PATL1: variants seen among roughly 807,000 people sequenced by gnomAD.
PATL1 encodes PAT1 homolog 1, processing body mRNA decay factor, also known as protein PAT1 homolog 1.
In PATL1, 32 loss-of-function variants were observed where a neutral mutation model predicts 100.6. That is an observed-to-expected ratio of 0.32 (90% CI 0.24 to 0.43). PATL1 has a LOEUF of 0.43. Ranked by LOEUF, PATL1 falls within the 20% of genes least tolerant of loss-of-function variation. The probability of loss-of-function intolerance (pLI) is 1.00; values close to 1 mark genes in which losing one functional copy is unlikely to be tolerated. For missense variants in PATL1, 747 were observed against 949.9 expected (o/e 0.79, Z 2.81); for synonymous variants, 332 against 330.0 (o/e 1.01, Z -0.07).
chr11:59,660,580 C>T (rs1281765813), intron 2 of PATL1, among the ~76,000 whole-genome samples: 1 of 151,892 alleles, frequency 6.6e-6, no homozygotes, highest in African/African-American at 2.4e-5. Flanking sequence ...TAAAGAAAGG[C>T]CTTAAGGTGA....
At chr11:59,664,738 CA>C (rs1053870939) in intron 2 of PATL1, among the ~76,000 whole-genome samples, 1 of 151,834 alleles carries the variant, frequency 6.6e-6, no homozygotes, top group Non-Finnish European at 1.5e-5. Context: ...GGCTATTTTT[CA>C]AAAAAAATTT....
At chr11:59,654,122 A>C (rs1432070497) in intron 8 of PATL1, 50 bp from the exon 9 acceptor site, 1 of 1,469,052 alleles carries the variant, frequency 6.8e-7, no homozygotes, top group East Asian at 2.3e-5. Context: ...TGATGACTTG[A>C]AATTTTAAAG....
chr11:59,662,275 T>C (rs888422408), intron 2 of PATL1, among the ~76,000 whole-genome samples: 2 of 152,194 alleles, frequency 1.3e-5, no homozygotes, highest in African/African-American at 2.4e-5. Context: ...TATAAAAATA[T>C]CCTTACTTAA....
At chr11:59,668,671 G>A (rs1861729098) in intron 1 of PATL1, among the ~76,000 whole-genome samples, 3 of 152,026 alleles carry the variant, frequency 2.0e-5, no homozygotes, top group Admixed American at 2.0e-4. Flanking sequence ...TTTCCCCAGC[G>A]GCAACTAATG....
At chr11:59,660,699 A>C (rs1274812359) in intron 2 of PATL1, among the ~76,000 whole-genome samples, 1 of 152,188 alleles carries the variant, frequency 6.6e-6, no homozygotes, top group Non-Finnish European at 1.5e-5. Context: ...GAGGGAGCTC[A>C]TTCTGGGCCA....
chr11:59,654,629 A>G (rs563459229), intron 8 of PATL1, among the ~76,000 whole-genome samples: 10 of 152,286 alleles, frequency 6.6e-5, no homozygotes, highest in Admixed American at 1.3e-4. Flanking sequence ...GTAAAGCAGT[A>G]TAATTCTTTT....
chr11:59,661,957 A>C (rs922697068), intron 2 of PATL1, among the ~76,000 whole-genome samples: 1 of 152,238 alleles, frequency 6.6e-6, no homozygotes, highest in African/African-American at 2.4e-5. Context: ...TATAATAATT[A>C]ATACTGTAAT....
chr11:59,640,637 T>G (rs910832037), intron 16 of PATL1, among the ~76,000 whole-genome samples: 2 of 151,804 alleles, frequency 1.3e-5, no homozygotes, highest in African/African-American at 4.8e-5. Flanking sequence ...GGAGAATGGC[T>G]TGAACCCAGG....
rs957440045 is a variant in PATL1 at position 59,658,804 on chromosome 11, A to G, written c.426+62T>C. 3.9e-6 allele frequency: 5 copies of G among 1,287,994 alleles called. No individual in the cohort carries two copies. In the Admixed American group the frequency reaches 1.2e-4, roughly 30 times the overall value. 79.8% of individuals were successfully genotyped at this position (1,287,994 alleles called of 1,614,324 possible). ...AAACCCCTTCAGTAAGGAAAGGATG[A>G]CGACAGGAACTTAAAATTTTTGGAT... On this transcript the variant is annotated intron_variant, in intron 4 of 18. Transcript: ENST00000300146.
At chr11:59,647,523 A>G (rs1228006252) in intron 15 of PATL1, among the ~76,000 whole-genome samples, 3 of 152,214 alleles carry the variant, frequency 2.0e-5, no homozygotes, top group Non-Finnish European at 4.4e-5. Flanking sequence ...TATGTCAAGT[A>G]AGAGGGAATT....
chr11:59,638,930 T>A, intron 18 of PATL1, 118 bp downstream of exon 18: 1 of 1,165,414 alleles, frequency 8.6e-7, no homozygotes, highest in East Asian at 2.4e-5. Flanking sequence ...TGATCCACCC[T>A]CCTGGGTGTC....
intron 15 of PATL1, among the ~76,000 whole-genome samples, chr11:59,646,278 ATTTTTTTT>A: frequency 7.5e-6 from 1 of 133,790 alleles, no homozygotes; most frequent in Non-Finnish European, 1.6e-5. Flanking sequence ...CATTTGTGGA[ATTTTTTTT>A]TTTTTTTTTT....
At position 59,638,122 on chromosome 11, in the gene PATL1, C is replaced by T. The variant is rs1861220206; in HGVS notation, c.*268G>A. The T allele has an allele frequency of 2.0e-6, 1 of 501,248 alleles. No homozygotes were observed. The highest frequency in any genetic ancestry group is 3.3e-5 in the East Asian group (1 of 30,708). 31.1% of individuals were successfully genotyped at this position (501,248 alleles called of 1,614,324 possible). A position where few individuals can be genotyped will look rare whatever the true frequency, so the allele number is the denominator to read the frequency against. The stretch of plus-strand genomic sequence containing the variant: ...TTGTGTCTCTAGGGCAAAGAAAATG[C>T]AAAACAGAACTGAGTAAAAGTAGGA... On this transcript the variant is annotated 3_prime_UTR_variant, in exon 19 of 19. Transcript: ENST00000300146.
At chr11:59,654,350 G>A (rs769290947) in intron 8 of PATL1, among the ~76,000 whole-genome samples, 23 of 151,834 alleles carry the variant, frequency 1.5e-4, no homozygotes, top group Non-Finnish European at 2.9e-4. Context: ...GGTAGCAGGC[G>A]CCTGTAGTCC....
At chr11:59,667,139 ATCTT>A (rs1444295732) in intron 1 of PATL1, 175 bp from the exon 2 acceptor site, 8 of 929,430 alleles carry the variant, frequency 8.6e-6, no homozygotes, top group African/African-American at 3.6e-5. Flanking sequence ...AGATTTCATC[ATCTT>A]TCTTTCACTT....
In PATL1 at chr11:59,656,481, A is replaced by C; in HGVS notation, c.723+18T>G. 1.3e-6 allele frequency: 2 copies of C among 1,591,758 alleles called. No homozygotes were observed. The highest frequency in any genetic ancestry group is 1.7e-6 in the Non-Finnish European group (2 of 1,160,862). ...AAAATACATACTGCACATTTTTGTT[A>C]GGCTTAAAGTGACATACCGGGACAC... is the stretch of plus-strand genomic sequence containing the variant. On this transcript the variant is annotated intron_variant, in intron 6 of 18. Transcript: ENST00000300146.
chr11:59,640,179 T>C (rs868091057), intron 16 of PATL1, among the ~76,000 whole-genome samples: 1 of 151,018 alleles, frequency 6.6e-6, no homozygotes, highest in Non-Finnish European at 1.5e-5. Flanking sequence ...CCGTCTCTAC[T>C]AAAAATAGAA....
chr11:59,650,608 G>A, intron 13 of PATL1, 146 bp downstream of exon 13: 2 of 584,410 alleles, frequency 3.4e-6, no homozygotes, highest in Non-Finnish European at 5.9e-6. Flanking sequence ...AAGTTATGTG[G>A]TACACAATAG....
chr11:59,654,054 A>AC lies in PATL1; in HGVS notation c.1049_1050insG (p.Phe350LeufsTer2). The stretch of plus-strand genomic sequence containing the variant: ...GATGGAGGTGAGTTGTGTCCGGTCT[A>AC]AACATTGGGGCCTGAGATCTAAGAA... On this transcript the variant is annotated frameshift_variant, in exon 9 of 19. Coordinates refer to ENST00000300146, the MANE Select transcript of PATL1 (RefSeq NM_152716.3). LOFTEE classifies it high-confidence loss of function. 6.2e-7 allele frequency: 1 copy of AC among 1,613,794 alleles called. No individual in the cohort carries two copies. Among genetic ancestry groups the AC allele is most frequent in the Non-Finnish European group, 8.5e-7 (1 of 1,179,700 alleles).
Sources: gnomAD v4.1 joint callset for allele counts (sites outside exome capture counted in the v4.1 genomes callset) on GRCh38, gnomAD v4.1.1 for gene constraint, MANE v1.5 for transcripts, NCBI Gene and HGNC (gene_info 2026-07-23, HGNC 2026-07-21) for gene names.